KLHL14: variants seen among roughly 807,000 people sequenced by gnomAD.
The protein encoded by KLHL14 is kelch like family member 14, also known as kelch-like protein 14.
In KLHL14, 22 loss-of-function variants were observed where a neutral mutation model predicts 64.3. That is an observed-to-expected ratio of 0.34 (90% CI 0.24 to 0.49). The LOEUF (loss-of-function observed/expected upper bound fraction) is 0.49. KLHL14 is among the 20% of genes least tolerant of loss of function. The probability of loss-of-function intolerance (pLI) is 0.99; values close to 1 mark genes in which losing one functional copy is unlikely to be tolerated. For missense variants in KLHL14, 661 were observed against 789.0 expected (o/e 0.84, Z 1.94); for synonymous variants, 322 against 333.4 (o/e 0.97, Z 0.37).
chr18:32,763,978 C>G (rs1289191133), intron 2 of KLHL14, among the ~76,000 whole-genome samples: 1 of 152,136 alleles, frequency 6.6e-6, no homozygotes, highest in African/African-American at 2.4e-5. Flanking sequence ...CAGGCAGGAT[C>G]TATACTCAAT....
chr18:32,699,608 C>A (rs940792165), intron 3 of KLHL14, among the ~76,000 whole-genome samples: 10 of 152,118 alleles, frequency 6.6e-5, no homozygotes, highest in South Asian at 6.2e-4. Context: ...CCAACTCACG[C>A]TCTTATCCAT....
intron 3 of KLHL14, among the ~76,000 whole-genome samples, chr18:32,704,480 T>TG (rs925947547): frequency 6.6e-6 from 1 of 152,116 alleles, no homozygotes; most frequent in African/African-American, 2.4e-5. Flanking sequence ...CCCAGCACTT[T>TG]GGGGGGCCGA....
chr18:32,710,853 T>C (rs1388873621), intron 3 of KLHL14, among the ~76,000 whole-genome samples: 2 of 152,064 alleles, frequency 1.3e-5, no homozygotes. Context: ...GTTGAACTGT[T>C]AGGCACCTTT....
At chr18:32,760,321 A>G (rs2050307029) in intron 2 of KLHL14, among the ~76,000 whole-genome samples, 1 of 138,694 alleles carries the variant, frequency 7.2e-6, no homozygotes, top group Non-Finnish European at 1.5e-5. Flanking sequence ...ATGTGATTGG[A>G]CTGTGTACAC....
intron 3 of KLHL14, among the ~76,000 whole-genome samples, chr18:32,720,261 A>AGATT (rs1486674618): frequency 6.6e-6 from 1 of 152,196 alleles, no homozygotes; most frequent in African/African-American, 2.4e-5. Context: ...ATTCATTGAA[A>AGATT]GATTATATGC....
chr18:32,757,631 GA>G (rs112379128), intron 2 of KLHL14, among the ~76,000 whole-genome samples: 2 of 151,928 alleles, frequency 1.3e-5, no homozygotes, highest in Admixed American at 6.5e-5. Flanking sequence ...AACATTGCTT[GA>G]AAAAAATATT....
At chr18:32,759,837 C>T (rs546281646) in intron 2 of KLHL14, among the ~76,000 whole-genome samples, 3 of 152,254 alleles carry the variant, frequency 2.0e-5, no homozygotes, top group East Asian at 1.9e-4. Context: ...TTCATCTGTG[C>T]TACTGGGCAC....
At chr18:32,762,888 TATAAAC>T (rs2050321765) in intron 2 of KLHL14, among the ~76,000 whole-genome samples, 1 of 152,142 alleles carries the variant, frequency 6.6e-6, no homozygotes, top group Non-Finnish European at 1.5e-5. Context: ...TGAAACAAAA[TATAAAC>T]AGAATAAATT....
intron 2 of KLHL14, chr18:32,745,702 A>G (rs2050220783): frequency 6.6e-6 from 1 of 152,234 alleles, no homozygotes; most frequent in Non-Finnish European, 1.5e-5. Context: ...CACGTGAATA[A>G]TTCCTGTGGA....
chr18:32,726,188 T>A (rs1478301238), intron 3 of KLHL14, among the ~76,000 whole-genome samples: 1 of 152,234 alleles, frequency 6.6e-6, no homozygotes, highest in African/African-American at 2.4e-5. Flanking sequence ...TTAGGTATAG[T>A]TTATGGCTAC....
chr18:32,735,562 C>T (rs2050161891), intron 3 of KLHL14, among the ~76,000 whole-genome samples: 2 of 152,116 alleles, frequency 1.3e-5, no homozygotes, highest in Non-Finnish European at 2.9e-5. Context: ...CTCACATCTT[C>T]ACCTGGGCAC....
chr18:32,679,881 G>A (rs113567588), intron 7 of KLHL14, among the ~76,000 whole-genome samples: 223 of 152,188 alleles, frequency 1.5e-3, no homozygotes, highest in Middle Eastern at 0.014. Flanking sequence ...TCATTGTTAC[G>A]ACAAATTGTT....
intron 2 of KLHL14, chr18:32,745,245 T>C (rs2050218651): frequency 6.6e-6 from 1 of 152,248 alleles, no homozygotes; most frequent in African/African-American, 2.4e-5. Flanking sequence ...TCTTGTGTTA[T>C]TCAGTTTTCC....
intron 3 of KLHL14, 23 bp downstream of exon 3, chr18:32,741,905 A>G: frequency 1.3e-6 from 2 of 1,518,824 alleles, no homozygotes; most frequent in Non-Finnish European, 1.8e-6. Context: ...GTGAGTGAAT[A>G]AATAAATAAA....
intron 8 of KLHL14, among the ~76,000 whole-genome samples, chr18:32,676,508 T>G (rs1429322743): frequency 6.6e-6 from 1 of 152,188 alleles, no homozygotes; most frequent in Non-Finnish European, 1.5e-5. Flanking sequence ...TATTGTTAAT[T>G]TTTTGGAGTG....
intron 2 of KLHL14, among the ~76,000 whole-genome samples, chr18:32,767,019 CCTT>C (rs780738576): frequency 5.3e-5 from 8 of 152,024 alleles, no homozygotes; most frequent in East Asian, 1.9e-4. Context: ...ATTTTCATCT[CCTT>C]CTCTGAATTT....
chr18:32,734,176 G>A (rs1251416414), intron 3 of KLHL14: 5 of 702,830 alleles, frequency 7.1e-6, no homozygotes, highest in Non-Finnish European at 1.3e-5. Context: ...AAATTCTCTG[G>A]TTTTCCTCCT....
At chr18:32,752,622 CA>C (rs1485564088) in intron 2 of KLHL14, among the ~76,000 whole-genome samples, 1 of 152,126 alleles carries the variant, frequency 6.6e-6, no homozygotes, top group Non-Finnish European at 1.5e-5. Context: ...CAATGTTTAC[CA>C]AACTTCAGTT....
chr18:32,680,933 G>A lies in KLHL14; in HGVS notation c.1239-334C>T, dbSNP rs1003608740. Among the ~76,000 whole-genome samples the A allele has an allele frequency of 6.6e-6, 1 of 152,088 alleles. No homozygotes were observed. The highest frequency in any genetic ancestry group is 1.5e-5 in the Non-Finnish European group (1 of 68,022). On this transcript the variant is annotated intron_variant, in intron 5 of 8. Coordinates refer to ENST00000359358, the MANE Select transcript of KLHL14 (RefSeq NM_020805.3). This position sits in a 1 kb window ranked among gnomAD's most constrained non-coding sequence, Gnocchi z 4.8. ...TTCGGTACCTTGTAAGGATATCGTA[G>A]CTCTGTAAGGCAAAGTGAAAAATGA...
Sources: allele counts gnomAD v4.1 joint callset (sites outside exome capture counted in the v4.1 genomes callset), GRCh38; gene constraint gnomAD v4.1.1; non-coding constraint Gnocchi (gnomAD v3.1); transcripts MANE v1.5; gene names NCBI Gene and HGNC (gene_info 2026-07-23, HGNC 2026-07-21).